TBC1D4: variants seen among roughly 807,000 people sequenced by gnomAD.
The protein encoded by TBC1D4 is TBC1 domain family member 4, also known as TBC (Tre-2, BUB2, CDC16) domain-containing protein.
A neutral mutation model predicts 142.5 loss-of-function variants in TBC1D4; 121 were observed. The observed-to-expected ratio is 0.85, with a 90% CI of 0.73 to 0.99. The LOEUF is 0.99. Ranked by LOEUF, TBC1D4 falls within the 50% of genes least tolerant of loss-of-function variation. The pLI is 0.00. For missense variants in TBC1D4, 1,475 were observed against 1,606.6 expected, an observed-to-expected ratio of 0.92 and a Z score of 1.40; for synonymous variants, 630 against 628.2, an observed-to-expected ratio of 1.00 and a Z score of -0.04.
chr13:75,366,696 T>C (rs1367767250), intron 1 of TBC1D4, among the ~76,000 whole-genome samples: 1 of 146,446 alleles, frequency 6.8e-6, no homozygotes, highest in East Asian at 2.0e-4. Flanking sequence ...AAAAAAAAAA[T>C]ATTGCTTCTA....
At chr13:75,397,327 C>T (rs1185207690) in intron 1 of TBC1D4, among the ~76,000 whole-genome samples, 1 of 152,080 alleles carries the variant, frequency 6.6e-6, no homozygotes, top group Admixed American at 6.6e-5. Context: ...ACTATGAACA[C>T]ATCACGATGT....
chr13:75,442,379 T>G (rs1478096453), intron 1 of TBC1D4, among the ~76,000 whole-genome samples: 2 of 152,196 alleles, frequency 1.3e-5, no homozygotes, highest in Non-Finnish European at 2.9e-5. Context: ...TGATTATTTT[T>G]AAGATTCTAA....
intron 1 of TBC1D4, among the ~76,000 whole-genome samples, chr13:75,462,329 T>G (rs967852459): frequency 6.6e-6 from 1 of 152,170 alleles, no homozygotes; most frequent in African/African-American, 2.4e-5. Context: ...AAGTTTAATA[T>G]GATACCTAGG....
In TBC1D4 at chr13:75,409,479, C is replaced by T. The variant is rs374384778; in HGVS notation, c.499-46872G>A. ...CCATTTCAAATCAAACATTCCATTC[C>T]TTCCCAATGTAGATTTATTCACATT... On this transcript the variant is annotated intron_variant, in intron 1 of 20. Coordinates refer to ENST00000377636, the MANE Select transcript of TBC1D4 (RefSeq NM_014832.5). 3.3e-5 allele frequency among the ~76,000 whole-genome samples: 5 copies of T among 152,260 alleles called. No individual in the cohort carries two copies. The East Asian group carries it at 9.6e-4, about 29-fold the overall frequency.
intron 1 of TBC1D4, among the ~76,000 whole-genome samples, chr13:75,458,279 C>G (rs531769249): frequency 6.6e-6 from 1 of 152,262 alleles, no homozygotes; most frequent in African/African-American, 2.4e-5. Flanking sequence ...CCTGGCCAAT[C>G]TCTTCTCCAA....
intron 1 of TBC1D4, among the ~76,000 whole-genome samples, chr13:75,386,727 C>G (rs1207756708): frequency 6.6e-6 from 1 of 151,782 alleles, no homozygotes; most frequent in Non-Finnish European, 1.5e-5. Context: ...AAGACAAGTA[C>G]AAATAAAAAA....
chr13:75,443,010 A>C (rs1374520818), intron 1 of TBC1D4, among the ~76,000 whole-genome samples: 2 of 152,126 alleles, frequency 1.3e-5, no homozygotes, highest in Non-Finnish European at 2.9e-5. Flanking sequence ...TTATTTTATG[A>C]AGTTTATTGT....
chr13:75,465,879 T>C (rs1306347547), intron 1 of TBC1D4, among the ~76,000 whole-genome samples: 1 of 152,148 alleles, frequency 6.6e-6, no homozygotes, highest in Non-Finnish European at 1.5e-5. Context: ...TTCTAAGTCT[T>C]TAGAAAATAA....
intron 1 of TBC1D4, among the ~76,000 whole-genome samples, chr13:75,389,000 A>G (rs1030550071): frequency 6.6e-6 from 1 of 152,234 alleles, no homozygotes; most frequent in Non-Finnish European, 1.5e-5. Flanking sequence ...AAAGTGGTTT[A>G]CTGATATCTG....
Position 75,389,548 on chromosome 13 carries a change from T to C in TBC1D4, c.499-26941A>G, listed in dbSNP as rs555905439. ...TATTTAACTATTGTATCTCCAGAAT[T>C]GGTTTTAGTTTTTGTTATTTTTTAA... On this transcript the variant is annotated intron_variant, in intron 1 of 20. Coordinates refer to ENST00000377636, the MANE Select transcript of TBC1D4 (RefSeq NM_014832.5). Among the ~76,000 whole-genome samples the C allele has an allele frequency of 2.6e-5, 4 of 152,340 alleles. No individual in the cohort carries two copies. In the South Asian group the frequency reaches 8.3e-4, roughly 32 times the overall value.
chr13:75,435,163 C>T (rs562831277), intron 1 of TBC1D4, among the ~76,000 whole-genome samples: 1 of 151,832 alleles, frequency 6.6e-6, no homozygotes, highest in Non-Finnish European at 1.5e-5. Flanking sequence ...TTGATTCATA[C>T]TATAAATAAA....
chr13:75,310,037 C>T lies in TBC1D4; in HGVS notation c.2498G>A (p.Arg833Lys). 1 of 1,614,054 alleles carries T rather than the reference C, an allele frequency of 6.2e-7. No homozygotes were observed. Among genetic ancestry groups the T allele is most frequent in the Non-Finnish European group, 8.5e-7 (1 of 1,179,970 alleles). ...GCTCCTCAGTTCTTTTGATTTCTTT[C>T]TTTCTTCAATCTTTTCTGGGTCATC... ...GEDDPEKIEERKKSKELRSLW... is the reference protein window; with the variant it reads ...GEDDPEKIEEKKKSKELRSLW... The change falls in exon 14 of 21, where the codon AGA (arginine) becomes AAA (lysine). Residue 833 changes from arginine (R) to lysine (K), a missense_variant. This residue lies in a region of TBC1D4 where 1,227 missense variants were observed against 1,267.7 expected (regional missense o/e 0.97). Coordinates refer to ENST00000377636, the MANE Select transcript of TBC1D4 (RefSeq NM_014832.5).
rs551967529 is a variant in TBC1D4 at position 75,376,340 on chromosome 13, A to T, written c.499-13733T>A. ...TACAGACATACTGAAATTTATAAAT[A>T]TCTTTTCCAAATACAATCATGTTCT... On this transcript the variant is annotated intron_variant, in intron 1 of 20. Transcript: ENST00000377636. Among the ~76,000 whole-genome samples the T allele has an allele frequency of 9.2e-5, 14 of 151,998 alleles. No homozygotes were observed. In the South Asian group the frequency reaches 2.9e-3, roughly 32 times the overall value.
intron 1 of TBC1D4, among the ~76,000 whole-genome samples, chr13:75,457,825 C>T (rs1887800355): frequency 6.6e-6 from 1 of 152,132 alleles, no homozygotes; most frequent in Non-Finnish European, 1.5e-5. Context: ...ATCAATGAAG[C>T]GAGCGTTCCC....
At chr13:75,322,065 A>G (rs1878824439) in intron 11 of TBC1D4, among the ~76,000 whole-genome samples, 1 of 152,218 alleles carries the variant, frequency 6.6e-6, no homozygotes. Context: ...TGCTGCTAGC[A>G]TTCCATTTAT....
intron 1 of TBC1D4, among the ~76,000 whole-genome samples, chr13:75,441,190 A>G (rs1887023715): frequency 6.6e-6 from 1 of 152,174 alleles, no homozygotes; most frequent in Non-Finnish European, 1.5e-5. Flanking sequence ...TGGGAGGCAG[A>G]GGTTGCAGTG....
chr13:75,411,360 A>T (rs1885651283), intron 1 of TBC1D4, among the ~76,000 whole-genome samples: 1 of 152,216 alleles, frequency 6.6e-6, no homozygotes, highest in South Asian at 2.1e-4. Context: ...ATGGGCTTTT[A>T]GGATTCCTCT....
intron 1 of TBC1D4, chr13:75,366,921 CA>C: frequency 1.0e-6 from 1 of 985,340 alleles, no homozygotes; most frequent in Non-Finnish European, 1.2e-6. Flanking sequence ...TACCTTTGAT[CA>C]GGAAGCCAGC....
At chr13:75,416,301 A>G (rs569744005) in intron 1 of TBC1D4, among the ~76,000 whole-genome samples, 1 of 152,322 alleles carries the variant, frequency 6.6e-6, no homozygotes, top group African/African-American at 2.4e-5. Context: ...GTAAGTCTAA[A>G]ATTACTACTC....
Sources: gnomAD v4.1 joint callset for allele counts (sites outside exome capture counted in the v4.1 genomes callset) on GRCh38, gnomAD v4.1.1 for gene constraint, gnomAD v4.1.1 regional missense constraint, MANE v1.5 for transcripts, NCBI Gene and HGNC (gene_info 2026-07-23, HGNC 2026-07-21) for gene names.